KALRN: variants seen among roughly 807,000 people sequenced by gnomAD.
KALRN encodes kalirin.
Under a neutral mutation model 353.7 loss-of-function variants are expected in KALRN, and 70 were observed. The ratio of observed to expected loss-of-function variants is 0.20; its 90% CI spans 0.16 to 0.24. The LOEUF is 0.24. Ranked by LOEUF, KALRN falls within the 10% of genes least tolerant of loss-of-function variation. KALRN has a pLI of 1.00. For synonymous variants in KALRN, 1,391 were observed against 1,434.8 expected (o/e 0.97, Z 0.69); for missense variants, 2,791 against 3,756.7 (o/e 0.74, Z 6.72).
intron 13 of KALRN, among the ~76,000 whole-genome samples, chr3:124,401,950 G>A (rs2090929802): frequency 6.6e-6 from 1 of 152,174 alleles, no homozygotes; most frequent in African/African-American, 2.4e-5. Context: ...TTTCTGTAAC[G>A]AGAGGCGTGT....
intron 8 of KALRN, among the ~76,000 whole-genome samples, chr3:124,332,151 G>C: frequency 6.6e-6 from 1 of 152,114 alleles, no homozygotes; most frequent in East Asian, 1.9e-4. Context: ...GATTGGGTGG[G>C]TGGTGGTGAT....
At chr3:124,344,686 A>G (rs1202524370) in intron 9 of KALRN, among the ~76,000 whole-genome samples, 1 of 152,212 alleles carries the variant, frequency 6.6e-6, no homozygotes, top group Admixed American at 6.5e-5. Context: ...TATTTTCCCT[A>G]CAGCTTCAAT....
At chr3:124,352,940 C>A (rs890899632) in intron 10 of KALRN, among the ~76,000 whole-genome samples, 1 of 152,092 alleles carries the variant, frequency 6.6e-6, no homozygotes, top group Non-Finnish European at 1.5e-5. Flanking sequence ...GTGCAGCAAA[C>A]CAACATGGCA....
At chr3:124,143,669 G>T (rs1439508672) in intron 1 of KALRN, among the ~76,000 whole-genome samples, 2 of 152,186 alleles carry the variant, frequency 1.3e-5, no homozygotes, top group East Asian at 3.9e-4. Context: ...AAACATACCA[G>T]AAAATACCTA....
At chr3:124,268,285 T>C (rs905887100) in intron 4 of KALRN, among the ~76,000 whole-genome samples, 16 of 152,126 alleles carry the variant, frequency 1.1e-4, no homozygotes, top group African/African-American at 3.9e-4. Flanking sequence ...GACTGTGAAA[T>C]CTTTGCAGCC....
At chr3:124,466,647 G>A (rs1298220086) in intron 25 of KALRN, among the ~76,000 whole-genome samples, 3 of 152,094 alleles carry the variant, frequency 2.0e-5, no homozygotes, top group South Asian at 2.1e-4. Flanking sequence ...TACTCCCAGC[G>A]CTCAGAGGGT....
intron 33 of KALRN, among the ~76,000 whole-genome samples, chr3:124,554,395 T>G (rs912660548): frequency 2.6e-5 from 4 of 152,192 alleles, no homozygotes; most frequent in Admixed American, 1.3e-4. Flanking sequence ...TACATTCTCC[T>G]TTTTCAGGGT....
At chr3:124,429,089 AC>A (rs2093159541) in intron 15 of KALRN, among the ~76,000 whole-genome samples, 1 of 152,186 alleles carries the variant, frequency 6.6e-6, no homozygotes, top group Non-Finnish European at 1.5e-5. Flanking sequence ...AATCATTAGC[AC>A]CTCTAGCCAA....
intron 1 of KALRN, among the ~76,000 whole-genome samples, chr3:124,043,114 C>A (rs1412227680): frequency 1.3e-5 from 2 of 152,038 alleles, no homozygotes; most frequent in African/African-American, 4.8e-5. Flanking sequence ...TGAGCAAATA[C>A]CATTGGTTCT....
At chr3:124,332,990 C>T (rs1487638984) in intron 8 of KALRN, among the ~76,000 whole-genome samples, 3 of 152,246 alleles carry the variant, frequency 2.0e-5, no homozygotes, top group South Asian at 2.1e-4. Context: ...AGGTTTGATG[C>T]ACTCACAGTT....
chr3:124,093,023 G>A (rs2061213555), intron 1 of KALRN, among the ~76,000 whole-genome samples: 1 of 152,172 alleles, frequency 6.6e-6, no homozygotes, highest in Non-Finnish European at 1.5e-5. Flanking sequence ...AGCCTGAGAG[G>A]TAGCTTCTTG....
At chr3:124,101,436 T>A (rs1219076589) in intron 1 of KALRN, among the ~76,000 whole-genome samples, 1 of 152,212 alleles carries the variant, frequency 6.6e-6, no homozygotes, top group Admixed American at 6.5e-5. Flanking sequence ...GGAGAATAAC[T>A]GTTTTCAAGG....
chr3:124,433,938 T>C (rs897384472), intron 16 of KALRN, among the ~76,000 whole-genome samples: 1 of 152,164 alleles, frequency 6.6e-6, no homozygotes, highest in Non-Finnish European at 1.5e-5. Flanking sequence ...CTTCGAAAAC[T>C]CAATGTACAA....
At chr3:124,314,500 T>A (rs12107144) in intron 6 of KALRN, among the ~76,000 whole-genome samples, 79,575 of 150,838 alleles carry the variant, frequency 0.53, 21,495 homozygotes, top group East Asian at 0.67. Flanking sequence ...AAAGTATATT[T>A]AAAAAAAAAG....
intron 27 of KALRN, among the ~76,000 whole-genome samples, chr3:124,479,876 A>G (rs1052590588): frequency 1.3e-5 from 2 of 151,788 alleles, no homozygotes; most frequent in Non-Finnish European, 2.9e-5. Flanking sequence ...GGCACCCACC[A>G]CCACGCCTGG....
intron 1 of KALRN, among the ~76,000 whole-genome samples, chr3:124,098,960 A>G (rs968074798): frequency 1.4e-4 from 22 of 152,222 alleles, no homozygotes; most frequent in African/African-American, 5.1e-4. Context: ...TTAGGCTTCT[A>G]ATTTCTTCTT....
chr3:124,233,761 C>T (rs536307174), intron 2 of KALRN, among the ~76,000 whole-genome samples: 3 of 152,238 alleles, frequency 2.0e-5, no homozygotes, highest in Admixed American at 6.5e-5. Flanking sequence ...AGGTTCGCAC[C>T]TCTCCACTCT....
chr3:124,478,904 C>T (rs761399737), intron 27 of KALRN, among the ~76,000 whole-genome samples: 63 of 152,224 alleles, frequency 4.1e-4, no homozygotes, highest in Non-Finnish European at 4.0e-4. Flanking sequence ...CCACACAACA[C>T]AAACACACAA....
rs116998367 is a variant in KALRN, at chr3:124,225,018, C to T, written c.74-2972C>T. Among the ~76,000 whole-genome samples, 3 of 152,202 alleles carry T rather than the reference C, an allele frequency of 2.0e-5. No homozygotes were observed. In the East Asian group the frequency reaches 5.8e-4, roughly 29 times the overall value. On this transcript the variant is annotated intron_variant, in intron 1 of 59. Transcript: ENST00000682506. ...TATTGAACATTTACCGTGAGTCTAC[C>T]AAGACACGTACCCGATAGTGAAAAC... is the stretch of plus-strand genomic sequence containing the variant.
Sources: allele counts gnomAD v4.1 joint callset (sites outside exome capture counted in the v4.1 genomes callset), GRCh38; gene constraint gnomAD v4.1.1; transcripts MANE v1.5; gene names NCBI Gene and HGNC (gene_info 2026-07-23, HGNC 2026-07-21).